GPR132: variants seen among roughly 807,000 people sequenced by gnomAD.
GPR132 encodes the protein G protein-coupled receptor 132, also known as probable G protein-coupled receptor 132.
In GPR132, 4 loss-of-function variants were observed where a neutral mutation model predicts 1.9. The ratio of observed to expected loss-of-function variants is 2.13; its 90% CI spans 1.05 to 4.87. The LOEUF is 4.87. Ranked by LOEUF, GPR132 falls within the 30% of genes most tolerant of loss-of-function variation. GPR132 has a pLI of 0.01. For synonymous variants in GPR132, 233 were observed against 234.2 expected (o/e 0.99, Z 0.05); for missense variants, 404 against 512.5 (o/e 0.79, Z 2.04).
intron 1 of GPR132, among the ~76,000 whole-genome samples, chr14:105,063,694 T>C (rs1699635017): frequency 6.6e-6 from 1 of 151,868 alleles, no homozygotes; most frequent in African/African-American, 2.4e-5. Flanking sequence ...TAACTTATGA[T>C]GGAACTTTTC....
chr14:105,064,236 G>A (rs1231712843), intron 1 of GPR132, among the ~76,000 whole-genome samples: 2 of 152,192 alleles, frequency 1.3e-5, no homozygotes, highest in Non-Finnish European at 2.9e-5. Context: ...GCAAACCTAT[G>A]ACCTCTTTTC....
rs942140197 is a variant in GPR132, at chr14:105,056,187, G to A, written c.-746-21C>T. The stretch of plus-strand genomic sequence containing the variant: ...CCTCCCTGGGCAGAGGGAGAGAGTG[G>A]GTGTGACTGGGCTGCCTCACACTCA... On this transcript the variant is annotated intron_variant, in intron 2 of 3. Transcript: ENST00000329797. This position sits in a 1 kb window ranked among gnomAD's most constrained non-coding sequence, Gnocchi z 6.0. 1.0e-6 allele frequency: 1 copy of A among 985,212 alleles called. No homozygotes were observed. Among genetic ancestry groups the A allele is most frequent in the South Asian group, 4.7e-5 (1 of 21,250 alleles). The allele number at this position is 985,212 out of a possible 1,614,324, so 61.0% of individuals were successfully genotyped here.
rs528012974 is a variant in GPR132, at chr14:105,055,081, A to G, written c.34+306T>C. Among the ~76,000 whole-genome samples the G allele has an allele frequency of 2.0e-5, 3 of 150,382 alleles. No homozygotes were observed. The highest frequency in any genetic ancestry group is 4.2e-4 in the South Asian group (2 of 4,744). Reference sequence around the variant, plus strand: ...TGGGCCGTTCATTCCTTCAATCCCAACGCTTTGGAAGGACAAGGCAGGTGG... The same window carrying G: ...TGGGCCGTTCATTCCTTCAATCCCAGCGCTTTGGAAGGACAAGGCAGGTGG... On this transcript the variant is annotated intron_variant, in intron 3 of 3. Coordinates refer to ENST00000329797, the MANE Select transcript of GPR132 (RefSeq NM_013345.4). This position sits in a 1 kb window ranked among gnomAD's most constrained non-coding sequence, Gnocchi z 4.7.
intron 1 of GPR132, among the ~76,000 whole-genome samples, chr14:105,061,605 C>T (rs1004880253): frequency 6.6e-6 from 1 of 152,168 alleles, no homozygotes; most frequent in African/African-American, 2.4e-5. Context: ...ATTTCAGGCC[C>T]TGCTCTTCCT....
rs948048115 is a variant in GPR132, at chr14:105,059,713, C to T, written c.-860-2433G>A. Among the ~76,000 whole-genome samples the T allele has an allele frequency of 2.0e-5, 3 of 152,136 alleles. No individual in the cohort carries two copies. The highest frequency in any genetic ancestry group is 6.5e-5 in the Admixed American group (1 of 15,278). On this transcript the variant is annotated intron_variant, in intron 1 of 3. Transcript: ENST00000329797. The surrounding 1 kb of genome is among the most constrained non-coding windows in gnomAD (Gnocchi z 4.2). ...CCCTAAAATGCATGAAACCAGGCTG[C>T]GCCCGACCACCCTGGGCACGTCATC...
rs1375362242 is a variant in GPR132, at chr14:105,059,042, C to G, written c.-860-1762G>C. 1.3e-5 allele frequency among the ~76,000 whole-genome samples: 2 copies of G among 152,244 alleles called. No homozygotes were observed. The highest frequency in any genetic ancestry group is 2.9e-5 in the Non-Finnish European group (2 of 68,044). On this transcript the variant is annotated intron_variant, in intron 1 of 3. Transcript: ENST00000329797. This position sits in a 1 kb window ranked among gnomAD's most constrained non-coding sequence, Gnocchi z 4.2. ...TGCCTCCCTGGTGCCAGGCCCAACC[C>G]CCACCCCATGCTGCCTGGTGCTGCC... is the stretch of plus-strand genomic sequence containing the variant.
chr14:105,052,600 T>C (rs967052844), intron 3 of GPR132, among the ~76,000 whole-genome samples: 3 of 151,988 alleles, frequency 2.0e-5, no homozygotes, highest in Non-Finnish European at 4.4e-5. Context: ...GTGCTGGGAT[T>C]ACAGGCGTGA....
intron 3 of GPR132, chr14:105,054,194 T>A: frequency 8.1e-7 from 1 of 1,237,948 alleles, no homozygotes. Flanking sequence ...GTTGCCAAAC[T>A]TATTGGGCCA....
In GPR132 at chr14:105,059,732, C is replaced by A. The variant is rs757887147; in HGVS notation, c.-860-2452G>T. ...AGGCTGCGCCCGACCACCCTGGGCA[C>A]GTCATCAGGACTTCCTGAGGCTGTG... On this transcript the variant is annotated intron_variant, in intron 1 of 3. Coordinates refer to ENST00000329797, the MANE Select transcript of GPR132 (RefSeq NM_013345.4). The surrounding 1 kb of genome is among the most constrained non-coding windows in gnomAD (Gnocchi z 4.2). Among the ~76,000 whole-genome samples the A allele has an allele frequency of 6.6e-6, 1 of 152,124 alleles. No homozygotes were observed.
chr14:105,062,773 T>G (rs1375467423), intron 1 of GPR132, among the ~76,000 whole-genome samples: 1 of 152,080 alleles, frequency 6.6e-6, no homozygotes, highest in Non-Finnish European at 1.5e-5. Flanking sequence ...ACTCCTGGGC[T>G]CCAATGATCC....
intron 1 of GPR132, among the ~76,000 whole-genome samples, chr14:105,063,859 G>C (rs1887014595): frequency 6.7e-6 from 1 of 149,948 alleles, no homozygotes; most frequent in African/African-American, 2.5e-5. Context: ...TTTTTTTTGA[G>C]ACAGAGTTTC....
In GPR132 at chr14:105,057,183, G is replaced by A; in HGVS notation, c.-763C>T. ...CTCTCTCACCTGGCATATTTTGCGG[G>A]TTCCAATCTCAGTGTGGCTCTAAGA... On this transcript the variant is annotated 5_prime_UTR_variant, in exon 2 of 4. Coordinates refer to ENST00000329797, the MANE Select transcript of GPR132 (RefSeq NM_013345.4). 1 of 1,531,022 alleles carries A rather than the reference G, an allele frequency of 6.5e-7. No individual in the cohort carries two copies. The highest frequency in any genetic ancestry group is 8.8e-7 in the Non-Finnish European group (1 of 1,142,334). The allele number at this position is 1,531,022 out of a possible 1,614,324, so 94.8% of individuals were successfully genotyped here.
At chr14:105,054,629 C>T (rs1023938947) in intron 3 of GPR132, among the ~76,000 whole-genome samples, 39 of 151,422 alleles carry the variant, frequency 2.6e-4, no homozygotes, top group African/African-American at 8.4e-4. Flanking sequence ...CAAGGTTTCA[C>T]CAGGTTGGCC....
intron 1 of GPR132, among the ~76,000 whole-genome samples, chr14:105,062,000 G>T (rs757260180): frequency 1.1e-4 from 17 of 152,236 alleles, no homozygotes; most frequent in Non-Finnish European, 2.5e-4. Flanking sequence ...GTGGACTCCA[G>T]GGGACTCTGT....
Position 105,050,693 on chromosome 14 carries a change from C to T in GPR132, c.*301G>A. 2.2e-6 allele frequency: 1 copy of T among 465,044 alleles called. No homozygotes were observed. The highest frequency in any genetic ancestry group is 3.6e-5 in the East Asian group (1 of 27,876). The allele number at this position is 465,044 out of a possible 1,614,324, so 28.8% of individuals were successfully genotyped here. A position where few individuals can be genotyped will look rare whatever the true frequency, so the allele number is the denominator to read the frequency against. On this transcript the variant is annotated 3_prime_UTR_variant, in exon 4 of 4. Transcript: ENST00000329797. The surrounding 1 kb of genome is among the most constrained non-coding windows in gnomAD (Gnocchi z 4.0). Reference sequence around the variant, plus strand: ...GGTACCTCTGCCAGCAGGCGTGCTACCTGCCCACAGCCAAGGGAGCCAGCC... The same window carrying T: ...GGTACCTCTGCCAGCAGGCGTGCTATCTGCCCACAGCCAAGGGAGCCAGCC...
rs372171650 is a variant in GPR132, at chr14:105,055,345, A to G, written c.34+42T>C. The G allele has an allele frequency of 7.7e-6, 6 of 780,704 alleles. No individual in the cohort carries two copies. The African/African-American group carries it at 1.0e-4, about 13-fold the overall frequency. 48.4% of individuals were successfully genotyped at this position (780,704 alleles called of 1,614,324 possible). A position where few individuals can be genotyped will look rare whatever the true frequency, so the allele number is the denominator to read the frequency against. On this transcript the variant is annotated intron_variant, in intron 3 of 3. Coordinates refer to ENST00000329797, the MANE Select transcript of GPR132 (RefSeq NM_013345.4). This position sits in a 1 kb window ranked among gnomAD's most constrained non-coding sequence, Gnocchi z 4.7. Reference sequence around the variant, plus strand: ...CAATCGCAAGAAAAAAAAATTGAAAAAGTGGAAAATTGTGGCAAAATACAC... The same window carrying G: ...CAATCGCAAGAAAAAAAAATTGAAAGAGTGGAAAATTGTGGCAAAATACAC...
Position 105,060,795 on chromosome 14 carries a change from C to T in GPR132, c.-860-3515G>A, listed in dbSNP as rs923403519. On this transcript the variant is annotated intron_variant, in intron 1 of 3. Coordinates refer to ENST00000329797, the MANE Select transcript of GPR132 (RefSeq NM_013345.4). This position sits in a 1 kb window ranked among gnomAD's most constrained non-coding sequence, Gnocchi z 6.3. ...GCTGTGCCGCCCAGTCACGCCAATGCCAGCCGGCAACCCTGGGTCAGAGGG... is the reference window on the plus strand; with the variant it reads ...GCTGTGCCGCCCAGTCACGCCAATGTCAGCCGGCAACCCTGGGTCAGAGGG... Among the ~76,000 whole-genome samples the T allele has an allele frequency of 2.0e-5, 3 of 152,248 alleles. No homozygotes were observed. The highest frequency in any genetic ancestry group is 4.4e-5 in the Non-Finnish European group (3 of 68,042).
chr14:105,060,841 C>G lies in GPR132; in HGVS notation c.-860-3561G>C, dbSNP rs543054363. Among the ~76,000 whole-genome samples the G allele has an allele frequency of 6.6e-6, 1 of 152,374 alleles. No individual in the cohort carries two copies. Among genetic ancestry groups the G allele is most frequent in the South Asian group, 2.1e-4 (1 of 4,826 alleles). The stretch of plus-strand genomic sequence containing the variant: ...GAGGGCTGCAAGCACTTCTGCAAAA[C>G]CAAAGGAAGTGGCAGCTGCAGTGGA... On this transcript the variant is annotated intron_variant, in intron 1 of 3. Coordinates refer to ENST00000329797, the MANE Select transcript of GPR132 (RefSeq NM_013345.4). The surrounding 1 kb of genome is among the most constrained non-coding windows in gnomAD (Gnocchi z 6.3).
In GPR132 at chr14:105,051,180, C is replaced by G; in HGVS notation, c.957G>C (p.Val319=). 1 of 1,614,190 alleles carries G rather than the reference C, an allele frequency of 6.2e-7. No individual in the cohort carries two copies. Residue 319 remains valine (V), a synonymous_variant, in exon 4 of 4, where the codon GTG becomes GTC. Transcript: ENST00000329797. This position sits in a 1 kb window ranked among gnomAD's most constrained non-coding sequence, Gnocchi z 8.0. ...VLATDHSRQE[V]SRIHKGWKEW... ...CTTTCCACCCCTTATGGATTCTGGACACTTCTTGGCGGGAATGGTCCGTGG... is the reference window on the plus strand; with the variant it reads ...CTTTCCACCCCTTATGGATTCTGGAGACTTCTTGGCGGGAATGGTCCGTGG...
Sources: allele counts gnomAD v4.1 joint callset (sites outside exome capture counted in the v4.1 genomes callset), GRCh38; gene constraint gnomAD v4.1.1; non-coding constraint Gnocchi (gnomAD v3.1); transcripts MANE v1.5; gene names NCBI Gene and HGNC (gene_info 2026-07-23, HGNC 2026-07-21).